Variants in PRR16 observed in about 807,000 individuals in gnomAD.
The protein encoded by PRR16 is protein Largen.
PRR16 carries 6 observed loss-of-function variants against 18.2 expected under a neutral mutation model. That is an observed-to-expected ratio of 0.33 (90% CI 0.18 to 0.65). The LOEUF (loss-of-function observed/expected upper bound fraction) is 0.65, where lower values mean the gene tolerates loss of function less well. Among genes scored for constraint, PRR16 ranks in the 30% least tolerant of loss-of-function variants. PRR16 has a pLI of 0.74. For missense variants in PRR16, 412 were observed against 376.6 expected, an observed-to-expected ratio of 1.09 and a Z score of -0.78; for synonymous variants, 151 against 147.8, an observed-to-expected ratio of 1.02 and a Z score of -0.16.
chr5:120,714,068 G>A, the PRR16 span, among the ~76,000 whole-genome samples: 1 of 151,700 alleles, frequency 6.6e-6, no homozygotes, highest in Non-Finnish European at 1.5e-5. Context: ...GTAATGTAAT[G>A]TCTTTTTTTT....
At chr5:120,484,108 C>T (rs901901008) in intron 1 of PRR16, among the ~76,000 whole-genome samples, 9 of 151,590 alleles carry the variant, frequency 5.9e-5, no homozygotes, top group East Asian at 1.9e-4. Flanking sequence ...AAAAAGCAAG[C>T]GTATAACTAA....
intron 1 of PRR16, among the ~76,000 whole-genome samples, chr5:120,471,178 T>G (rs547173164): frequency 6.6e-6 from 1 of 152,270 alleles, no homozygotes; most frequent in African/African-American, 2.4e-5. Context: ...TAATAGTGAA[T>G]AAATTAGACC....
At chr5:120,466,815 T>G (rs1749120847) in intron 1 of PRR16, among the ~76,000 whole-genome samples, 1 of 152,200 alleles carries the variant, frequency 6.6e-6, no homozygotes, top group South Asian at 2.1e-4. Flanking sequence ...GAAGATTTGT[T>G]TGTCTTAAGG....
At chr5:120,490,905 T>G (rs1750010666) in intron 1 of PRR16, among the ~76,000 whole-genome samples, 1 of 152,198 alleles carries the variant, frequency 6.6e-6, no homozygotes, top group South Asian at 2.1e-4. Flanking sequence ...TGTTGGAGTT[T>G]GCTGGAGGTC....
At chr5:120,778,143 A>ATCAT in the PRR16 span, among the ~76,000 whole-genome samples, 1 of 152,138 alleles carries the variant, frequency 6.6e-6, no homozygotes, top group Non-Finnish European at 1.5e-5. Flanking sequence ...AAGACTGCTG[A>ATCAT]TCATTCAGTT....
intron 1 of PRR16, among the ~76,000 whole-genome samples, chr5:120,589,134 TA>T (rs1242275780): frequency 2.0e-5 from 3 of 152,144 alleles, no homozygotes; most frequent in Non-Finnish European, 2.9e-5. Flanking sequence ...GTAAGCTTTT[TA>T]TCCTAATAAG....
At chr5:120,495,629 G>T (rs777943719) in intron 1 of PRR16, among the ~76,000 whole-genome samples, 3 of 152,092 alleles carry the variant, frequency 2.0e-5, no homozygotes, top group Non-Finnish European at 4.4e-5. Flanking sequence ...AAGACTGACT[G>T]TAGTATGTTA....
chr5:120,734,935 T>C, the PRR16 span, among the ~76,000 whole-genome samples: 1 of 152,218 alleles, frequency 6.6e-6, no homozygotes, highest in African/African-American at 2.4e-5. Flanking sequence ...CATTTTTCTT[T>C]CAAACTTCAG....
chr5:120,667,239 C>G (rs951632718), intron 1 of PRR16, among the ~76,000 whole-genome samples: 1 of 148,730 alleles, frequency 6.7e-6, no homozygotes, highest in African/African-American at 2.5e-5. Flanking sequence ...AGTTTATTTG[C>G]GTAGAGGTGT....
At chr5:120,754,943 G>C in the PRR16 span, among the ~76,000 whole-genome samples, 1 of 150,574 alleles carries the variant, frequency 6.6e-6, no homozygotes, top group Admixed American at 6.7e-5. Context: ...ATATCATAGA[G>C]TGTACAAACC....
intron 1 of PRR16, among the ~76,000 whole-genome samples, chr5:120,667,466 C>G (rs1393390601): frequency 6.6e-6 from 1 of 151,862 alleles, no homozygotes; most frequent in African/African-American, 2.4e-5. Flanking sequence ...CAGTTCTGCT[C>G]TGATTTTAGT....
chr5:120,585,109 T>C (rs1167910100), intron 1 of PRR16, among the ~76,000 whole-genome samples: 1 of 152,352 alleles, frequency 6.6e-6, no homozygotes, highest in East Asian at 1.9e-4. Flanking sequence ...TTAAAATTAA[T>C]GGACTTTGAA....
chr5:120,666,063 C>G lies in PRR16; in HGVS notation c.160-19891C>G, dbSNP rs1018042065. Among the ~76,000 whole-genome samples, 344 of 152,006 alleles carry G rather than the reference C, an allele frequency of 2.3e-3. 4 individuals carry two copies. Among genetic ancestry groups the G allele is most frequent in the Non-Finnish European group, 4.3e-3 (290 of 67,952 alleles). On this transcript the variant is annotated intron_variant, in intron 1 of 1. Coordinates refer to ENST00000407149, the MANE Select transcript of PRR16 (RefSeq NM_001300783.2). ...TTACCTTGGGCAGTATGGCCATTTT[C>G]ACGATATTGATTCTTCCTACCCATG...
chr5:120,520,410 A>T (rs552417366), intron 1 of PRR16, among the ~76,000 whole-genome samples: 1 of 152,182 alleles, frequency 6.6e-6, no homozygotes, highest in African/African-American at 2.4e-5. Context: ...GAAAAATAAA[A>T]ATAAAAAATA....
chr5:120,793,030 T>G, the PRR16 span, among the ~76,000 whole-genome samples: 4 of 149,280 alleles, frequency 2.7e-5, no homozygotes, highest in Admixed American at 1.3e-4. Context: ...TGGGTGCCTG[T>G]AGTTCCAGCT....
intron 1 of PRR16, among the ~76,000 whole-genome samples, chr5:120,641,522 G>C (rs1755421983): frequency 6.6e-6 from 1 of 151,898 alleles, no homozygotes. Flanking sequence ...CTACTTCCAG[G>C]TTGCATCATC....
the PRR16 span, among the ~76,000 whole-genome samples, chr5:120,786,867 G>A: frequency 2.0e-4 from 30 of 151,964 alleles, no homozygotes; most frequent in Non-Finnish European, 3.5e-4. Context: ...AAATTATCTA[G>A]CATCATTCAC....
At chr5:120,636,378 A>C (rs545057343) in intron 1 of PRR16, among the ~76,000 whole-genome samples, 1 of 152,188 alleles carries the variant, frequency 6.6e-6, no homozygotes, top group South Asian at 2.1e-4. Flanking sequence ...TTCAAACTAT[A>C]CTATGAGGCC....
intron 1 of PRR16, among the ~76,000 whole-genome samples, chr5:120,647,907 G>C (rs1236988027): frequency 6.6e-6 from 1 of 152,016 alleles, no homozygotes; most frequent in Non-Finnish European, 1.5e-5. Flanking sequence ...TTAGGGGCTA[G>C]CAGAGAAATA....
Sources: allele counts gnomAD v4.1 joint callset (sites outside exome capture counted in the v4.1 genomes callset), GRCh38; gene constraint gnomAD v4.1.1; transcripts MANE v1.5; gene names NCBI Gene and HGNC (gene_info 2026-07-23, HGNC 2026-07-21).